Variants in SNX29 observed in about 807,000 individuals in gnomAD.
SNX29 encodes the protein sorting nexin 29, also known as sorting nexin-29.
A neutral mutation model predicts 102.1 loss-of-function variants in SNX29; 78 were observed. That is an observed-to-expected ratio of 0.76 (90% confidence interval 0.64 to 0.92). SNX29 has a LOEUF of 0.92. Ranked by LOEUF, SNX29 falls within the 40% of genes least tolerant of loss-of-function variation. SNX29 has a pLI of 0.00. For missense variants in SNX29, 1,280 were observed against 1,061.7 expected, an observed-to-expected ratio of 1.21 and a Z score of -2.86; for synonymous variants, 580 against 414.5, an observed-to-expected ratio of 1.40 and a Z score of -4.85.
intron 15 of SNX29, among the ~76,000 whole-genome samples, chr16:12,333,485 A>AT (rs1263346379): frequency 1.5e-4 from 23 of 152,134 alleles, no homozygotes; most frequent in Admixed American, 1.2e-3. Context: ...AAGCTCAGAG[A>AT]TTAAGTAATT....
intron 20 of SNX29, among the ~76,000 whole-genome samples, chr16:12,532,969 C>T (rs8061129): frequency 0.06 from 9,125 of 152,260 alleles, 339 homozygotes; most frequent in African/African-American, 0.099. Context: ...GAGCGGGTGG[C>T]GCAGCACGGC....
intron 18 of SNX29, among the ~76,000 whole-genome samples, chr16:12,472,529 C>CAAAAAAAAAAAAAAACAA (rs60223249): frequency 5.5e-5 from 4 of 72,916 alleles, no homozygotes; most frequent in African/African-American, 1.7e-4. Context: ...AAAAAAAAAC[C>CAAAAAAAAAAAAAAACAA]AAAAAAAAAA....
intron 18 of SNX29, among the ~76,000 whole-genome samples, chr16:12,444,823 C>T (rs974540845): frequency 3.4e-5 from 5 of 148,688 alleles, no homozygotes; most frequent in African/African-American, 1.3e-4. Context: ...ACATTGTCCC[C>T]TCGACAGTGT....
chr16:12,337,973 C>G (rs953421983), intron 15 of SNX29, among the ~76,000 whole-genome samples: 1 of 152,170 alleles, frequency 6.6e-6, no homozygotes, highest in Non-Finnish European at 1.5e-5. Context: ...GAAAGTGCTG[C>G]GGTCTTTGGG....
chr16:12,370,264 A>C (rs564707374), intron 16 of SNX29, among the ~76,000 whole-genome samples: 1 of 151,922 alleles, frequency 6.6e-6, no homozygotes, highest in South Asian at 2.1e-4. Flanking sequence ...AACAATCAAC[A>C]ACAAAAATAA....
At chr16:12,013,850 C>T (rs1002377856) in intron 3 of SNX29, among the ~76,000 whole-genome samples, 1 of 151,634 alleles carries the variant, frequency 6.6e-6, no homozygotes, top group Non-Finnish European at 1.5e-5. Context: ...TGGGTTTCAC[C>T]GTGTTGCCCA....
intron 14 of SNX29, among the ~76,000 whole-genome samples, chr16:12,239,639 C>CAAAAAAAAAAAAAA (rs61024203): frequency 1.6e-5 from 1 of 62,568 alleles, no homozygotes; most frequent in African/African-American, 6.3e-5. Context: ...CCTGTTTCTA[C>CAAAAAAAAAAAAAA]AAAAAAAAAA....
At chr16:12,266,723 G>T (rs932614432) in intron 14 of SNX29, among the ~76,000 whole-genome samples, 1 of 146,078 alleles carries the variant, frequency 6.8e-6, no homozygotes, top group Non-Finnish European at 1.5e-5. Flanking sequence ...CTCAGACAAC[G>T]TGGTTCTTGG....
chr16:12,347,816 G>T (rs2081860966), intron 15 of SNX29, among the ~76,000 whole-genome samples: 1 of 151,562 alleles, frequency 6.6e-6, no homozygotes, highest in Non-Finnish European at 1.5e-5. Context: ...GGTGGGTCAT[G>T]CCTATAATCG....
At chr16:12,042,536 T>C (rs2049925150) in intron 4 of SNX29, among the ~76,000 whole-genome samples, 1 of 152,222 alleles carries the variant, frequency 6.6e-6, no homozygotes, top group Admixed American at 6.5e-5. Flanking sequence ...TATGTCTGTG[T>C]GTACCCAGGG....
chr16:12,116,660 T>A (rs2053715335), intron 11 of SNX29, among the ~76,000 whole-genome samples: 1 of 151,966 alleles, frequency 6.6e-6, no homozygotes, highest in Admixed American at 6.6e-5. Context: ...GGCCACGGAG[T>A]GAGACTCCTT....
chr16:12,146,263 T>C (rs2055061782), intron 13 of SNX29, among the ~76,000 whole-genome samples: 1 of 134,790 alleles, frequency 7.4e-6, no homozygotes, highest in Non-Finnish European at 1.6e-5. Flanking sequence ...AAGTATATGA[T>C]TTTTTTTTTT....
intron 1 of SNX29, among the ~76,000 whole-genome samples, chr16:11,989,074 A>G (rs1211595297): frequency 6.6e-6 from 1 of 152,040 alleles, no homozygotes; most frequent in Non-Finnish European, 1.5e-5. Flanking sequence ...TTTGGGTTCA[A>G]GCGATTTTCC....
rs967481173 is a variant in SNX29 at position 12,569,945 on chromosome 16, G to T, written c.*1316G>T. On this transcript the variant is annotated 3_prime_UTR_variant, in exon 21 of 21. Coordinates refer to ENST00000566228, the MANE Select transcript of SNX29 (RefSeq NM_032167.5). ...ACCTGAGGAGAAAAGCAGGTGGAAG[G>T]TGACGGTTAGATGGTAAGCCATGGG... 8.6e-6 allele frequency: 2 copies of T among 233,784 alleles called. No homozygotes were observed. Among genetic ancestry groups the T allele is most frequent in the African/African-American group, 4.4e-5 (2 of 45,412 alleles). 14.5% of individuals were successfully genotyped at this position (233,784 alleles called of 1,614,324 possible). A position where few individuals can be genotyped will look rare whatever the true frequency, so the allele number is the denominator to read the frequency against.
At chr16:12,523,881 C>G (rs950003217) in intron 19 of SNX29, among the ~76,000 whole-genome samples, 1 of 151,698 alleles carries the variant, frequency 6.6e-6, no homozygotes, top group Non-Finnish European at 1.5e-5. Context: ...ACCATGCATC[C>G]TAGGTTTTTT....
At chr16:12,367,300 G>A (rs1056129299) in intron 16 of SNX29, 1 of 152,312 alleles carries the variant, frequency 6.6e-6, no homozygotes, top group East Asian at 1.9e-4. Context: ...AGCATATGAC[G>A]TATACATCTG....
chr16:12,288,572 C>T (rs2079681038), intron 15 of SNX29, among the ~76,000 whole-genome samples: 1 of 151,768 alleles, frequency 6.6e-6, no homozygotes, highest in Non-Finnish European at 1.5e-5. Context: ...CTGGACAAAG[C>T]CAAGAACCCT....
At chr16:12,151,726 TTTTG>T (rs780207516) in intron 13 of SNX29, among the ~76,000 whole-genome samples, 11 of 152,308 alleles carry the variant, frequency 7.2e-5, no homozygotes, top group South Asian at 6.2e-4. Context: ...ATTTGTGTTT[TTTTG>T]TTTGTTTGTT....
chr16:12,234,580 A>G (rs1596581292), intron 14 of SNX29, among the ~76,000 whole-genome samples: 1 of 152,082 alleles, frequency 6.6e-6, no homozygotes, highest in Non-Finnish European at 1.5e-5. Context: ...AGTTGAATTC[A>G]TCTATTTTTT....
Sources: allele counts gnomAD v4.1 joint callset (sites outside exome capture counted in the v4.1 genomes callset), GRCh38; gene constraint gnomAD v4.1.1; transcripts MANE v1.5; gene names NCBI Gene and HGNC (gene_info 2026-07-23, HGNC 2026-07-21).